ZBTB20: variants seen among roughly 807,000 people sequenced by gnomAD.
ZBTB20 encodes zinc finger and BTB domain containing 20, also known as zinc finger and BTB domain-containing protein 20.
In ZBTB20, 9 loss-of-function variants were observed where a neutral mutation model predicts 56.9. The ratio of observed to expected loss-of-function variants is 0.16; its 90% CI spans 0.10 to 0.28. The LOEUF (loss-of-function observed/expected upper bound fraction) is 0.28, where lower values mean the gene tolerates loss of function less well. Ranked by LOEUF, ZBTB20 falls within the 10% of genes least tolerant of loss-of-function variation. The probability of loss-of-function intolerance (pLI) is 1.00; values close to 1 mark genes in which losing one functional copy is unlikely to be tolerated. For synonymous variants in ZBTB20, 417 were observed against 420.7 expected (o/e 0.99, Z 0.11); for missense variants, 655 against 1,003.0 (o/e 0.65, Z 4.69).
At chr3:114,523,657 G>A (rs1414578452) in intron 6 of ZBTB20, among the ~76,000 whole-genome samples, 3 of 152,290 alleles carry the variant, frequency 2.0e-5, no homozygotes, top group Non-Finnish European at 2.9e-5. Context: ...AGTTGCAGGA[G>A]AGAAGGCAAA....
At chr3:114,632,257 G>T (rs1037061144) in intron 6 of ZBTB20, among the ~76,000 whole-genome samples, 15 of 152,140 alleles carry the variant, frequency 9.9e-5, no homozygotes, top group African/African-American at 3.6e-4. Flanking sequence ...AGCTGCAGGT[G>T]GTTATCCTTA....
intron 6 of ZBTB20, among the ~76,000 whole-genome samples, chr3:114,548,019 A>G (rs1457409608): frequency 6.6e-6 from 1 of 152,196 alleles, no homozygotes; most frequent in African/African-American, 2.4e-5. Context: ...TTTCCTAAAT[A>G]GTGGTTATGC....
intron 2 of ZBTB20, among the ~76,000 whole-genome samples, chr3:115,031,539 A>G (rs2080680566): frequency 6.6e-6 from 1 of 151,546 alleles, no homozygotes; most frequent in Non-Finnish European, 1.5e-5. Flanking sequence ...GACTGAAAAT[A>G]AAATCATGAG....
intron 7 of ZBTB20, among the ~76,000 whole-genome samples, chr3:114,400,329 T>C (rs979112810): frequency 6.6e-6 from 1 of 152,218 alleles, no homozygotes; most frequent in Non-Finnish European, 1.5e-5. Flanking sequence ...ATGTATGCTT[T>C]GCCTATCTTA....
chr3:114,382,340 T>G (rs900369365), intron 8 of ZBTB20, among the ~76,000 whole-genome samples: 1 of 152,212 alleles, frequency 6.6e-6, no homozygotes, highest in African/African-American at 2.4e-5. Context: ...CTAAGATGAC[T>G]ACATTAGCCT....
At chr3:114,429,039 A>C (rs2089927396) in intron 7 of ZBTB20, among the ~76,000 whole-genome samples, 1 of 152,186 alleles carries the variant, frequency 6.6e-6, no homozygotes, top group African/African-American at 2.4e-5. Context: ...GATATAGATA[A>C]GTCTGTATAA....
intron 6 of ZBTB20, among the ~76,000 whole-genome samples, chr3:114,692,726 A>G (rs1385877631): frequency 6.6e-6 from 1 of 152,216 alleles, no homozygotes; most frequent in South Asian, 2.1e-4. Flanking sequence ...ATACACCCCC[A>G]GTCTTGACCT....
chr3:114,366,753 C>T (rs549007125), intron 10 of ZBTB20: 2 of 152,378 alleles, frequency 1.3e-5, no homozygotes, highest in East Asian at 3.9e-4. Context: ...TATCTCCATG[C>T]ATTACCAAAA....
At chr3:114,376,397 G>A (rs984397344) in intron 10 of ZBTB20, among the ~76,000 whole-genome samples, 2 of 152,202 alleles carry the variant, frequency 1.3e-5, no homozygotes, top group South Asian at 2.1e-4. Flanking sequence ...TGACTTTGGG[G>A]TAATTAAAAT....
At chr3:114,487,947 G>C (rs1378373893) in intron 7 of ZBTB20, among the ~76,000 whole-genome samples, 1 of 152,200 alleles carries the variant, frequency 6.6e-6, no homozygotes, top group Non-Finnish European at 1.5e-5. Context: ...CTGCCCTGGA[G>C]ACATGGATCA....
rs74511136 is a variant in ZBTB20 at position 114,721,412 on chromosome 3, C to T, written c.-342-27837G>A. 4.5e-3 allele frequency among the ~76,000 whole-genome samples: 682 copies of T among 152,154 alleles called. 6 individuals are homozygous for T. Among genetic ancestry groups the T allele is most frequent in the African/African-American group, 0.016 (659 of 41,506 alleles). Reference sequence around the variant, plus strand: ...GTACTATGTGATAAATATCTGACTTCGGTAGTGTCAGCAGAAATGTACAGG... The same window carrying T: ...GTACTATGTGATAAATATCTGACTTTGGTAGTGTCAGCAGAAATGTACAGG... On this transcript the variant is annotated intron_variant, in intron 5 of 11. Transcript: ENST00000675478.
intron 4 of ZBTB20, among the ~76,000 whole-genome samples, chr3:114,825,542 C>T (rs529996833): frequency 1.3e-5 from 2 of 151,982 alleles, no homozygotes; most frequent in East Asian, 3.9e-4. Flanking sequence ...AGCCTCTTTA[C>T]TCAGACTGTT....
At chr3:115,097,483 CT>C (rs2083424511) in intron 1 of ZBTB20, among the ~76,000 whole-genome samples, 1 of 151,976 alleles carries the variant, frequency 6.6e-6, no homozygotes, top group Admixed American at 6.6e-5. Context: ...CTGTTTGGTC[CT>C]TTTCAAAGAG....
chr3:115,011,065 C>T (rs2079684176), intron 2 of ZBTB20, among the ~76,000 whole-genome samples: 1 of 151,702 alleles, frequency 6.6e-6, no homozygotes, highest in African/African-American at 2.4e-5. Flanking sequence ...AAGAAAGAAT[C>T]AGTGAGCTTG....
intron 3 of ZBTB20, among the ~76,000 whole-genome samples, chr3:114,918,267 C>T (rs1560397600): frequency 6.6e-6 from 1 of 152,014 alleles, no homozygotes; most frequent in Admixed American, 6.5e-5. Flanking sequence ...GGTGAGCTCC[C>T]CTCTAGCCTA....
intron 6 of ZBTB20, among the ~76,000 whole-genome samples, chr3:114,630,129 G>C (rs922030538): frequency 2.0e-5 from 3 of 152,228 alleles, no homozygotes; most frequent in African/African-American, 7.2e-5. Flanking sequence ...GACAAAGCGA[G>C]ACCTTGTCTT....
intron 1 of ZBTB20, among the ~76,000 whole-genome samples, chr3:115,097,267 C>T (rs894492733): frequency 6.6e-5 from 10 of 152,156 alleles, no homozygotes; most frequent in African/African-American, 2.4e-4. Context: ...CAACCTCCAC[C>T]TCCCGGGTTC....
intron 7 of ZBTB20, among the ~76,000 whole-genome samples, chr3:114,448,816 T>A (rs2091429668): frequency 6.6e-6 from 1 of 152,156 alleles, no homozygotes; most frequent in African/African-American, 2.4e-5. Context: ...TTCAGTGAAT[T>A]TTTTATTACA....
chr3:114,388,037 C>A (rs1035521966), intron 8 of ZBTB20: 1 of 152,194 alleles, frequency 6.6e-6, no homozygotes, highest in Non-Finnish European at 1.5e-5. Context: ...TAGCTAAAGA[C>A]ATAGAAATAT....
Sources: gnomAD v4.1 joint callset for allele counts (sites outside exome capture counted in the v4.1 genomes callset) on GRCh38, gnomAD v4.1.1 for gene constraint, MANE v1.5 for transcripts, NCBI Gene and HGNC (gene_info 2026-07-23, HGNC 2026-07-21) for gene names.